Variants in ACTR3C observed in about 807,000 individuals in gnomAD.
ACTR3C encodes the protein actin related protein 3C.
Under a neutral mutation model 26.3 loss-of-function variants are expected in ACTR3C, and 18 were observed. That is an observed-to-expected ratio of 0.68 (90% CI 0.47 to 1.01). ACTR3C has a LOEUF of 1.01. Ranked by LOEUF, ACTR3C falls within the 50% of genes least tolerant of loss-of-function variation. ACTR3C has a pLI of 0.00. For synonymous variants in ACTR3C, 55 were observed against 94.5 expected (o/e 0.58, Z 2.42); for missense variants, 184 against 250.7 (o/e 0.73, Z 1.80).
At chr7:149,956,920 G>T in the ACTR3C span, among the ~76,000 whole-genome samples, 1 of 152,164 alleles carries the variant, frequency 6.6e-6, no homozygotes, top group East Asian at 1.9e-4. Context: ...GGGGCACTTT[G>T]TCACTGCTTG....
chr7:149,881,975 AAC>A, the ACTR3C span: 1 of 152,602 alleles, frequency 6.6e-6, no homozygotes, highest in Non-Finnish European at 1.5e-5. Flanking sequence ...GGGGGTGAGA[AAC>A]ACAGTGACCT....
At chr7:149,945,494 A>G in the ACTR3C span, among the ~76,000 whole-genome samples, 2 of 152,216 alleles carry the variant, frequency 1.3e-5, no homozygotes, top group Non-Finnish European at 2.9e-5. Flanking sequence ...TTACAAGCGC[A>G]GGAATGCAGT....
chr7:150,082,067 G>A, the ACTR3C span, among the ~76,000 whole-genome samples: 1 of 152,166 alleles, frequency 6.6e-6, no homozygotes, highest in Non-Finnish European at 1.5e-5. Flanking sequence ...GCTCTCCTAT[G>A]TAATGTCATG....
At chr7:150,109,002 GA>G in the ACTR3C span, among the ~76,000 whole-genome samples, 3,808 of 152,042 alleles carry the variant, frequency 0.025, 199 homozygotes, top group African/African-American at 0.088. Context: ...AATTACTCAG[GA>G]TGGCTGCGTG....
chr7:150,225,401 A>G, the ACTR3C span, among the ~76,000 whole-genome samples: 2 of 152,262 alleles, frequency 1.3e-5, no homozygotes, highest in Non-Finnish European at 2.9e-5. Context: ...CACATGAATC[A>G]TTCCAGCCCT....
the ACTR3C span, among the ~76,000 whole-genome samples, chr7:150,169,388 G>GAAAAA: frequency 3.9e-4 from 47 of 120,136 alleles, 1 homozygote; most frequent in African/African-American, 1.1e-3. Flanking sequence ...ATTTCAAAAG[G>GAAAAA]AAAAAAAAAA....
the ACTR3C span, among the ~76,000 whole-genome samples, chr7:149,921,244 G>A: frequency 6.6e-6 from 1 of 152,064 alleles, no homozygotes; most frequent in Non-Finnish European, 1.5e-5. Context: ...AGGAACACCA[G>A]CTCTGACTAC....
At chr7:149,999,653 C>T in the ACTR3C span, among the ~76,000 whole-genome samples, 4 of 151,692 alleles carry the variant, frequency 2.6e-5, no homozygotes, top group Admixed American at 1.3e-4. Context: ...GAGTGACTCA[C>T]ATTGCAGGAA....
the ACTR3C span, among the ~76,000 whole-genome samples, chr7:150,079,362 A>C: frequency 8.3e-4 from 127 of 152,230 alleles, no homozygotes; most frequent in African/African-American, 3.0e-3. Flanking sequence ...CGTCCACTAA[A>C]TGGAGAAAGT....
the ACTR3C span, among the ~76,000 whole-genome samples, chr7:150,113,504 T>C: frequency 3.3e-5 from 5 of 152,198 alleles, no homozygotes; most frequent in Admixed American, 1.3e-4. Context: ...TAAATTGCAC[T>C]GAAGCCCCAG....
the ACTR3C span, among the ~76,000 whole-genome samples, chr7:150,030,664 A>C: frequency 1.3e-5 from 2 of 152,162 alleles, no homozygotes; most frequent in Non-Finnish European, 2.9e-5. Flanking sequence ...CTTCTACATG[A>C]GACTCTCACT....
At chr7:150,234,990 T>C in the ACTR3C span, among the ~76,000 whole-genome samples, 1 of 152,152 alleles carries the variant, frequency 6.6e-6, no homozygotes, top group East Asian at 1.9e-4. Flanking sequence ...GTCTATCAGG[T>C]ATATCTTCTG....
chr7:149,909,272 A>C, the ACTR3C span, among the ~76,000 whole-genome samples: 1 of 149,222 alleles, frequency 6.7e-6, no homozygotes, highest in Non-Finnish European at 1.5e-5. Flanking sequence ...CACCAAAAAA[A>C]AAAAAAAGAA....
chr7:150,313,089 C>T (rs1796470705), intron 1 of ACTR3C, among the ~76,000 whole-genome samples: 1 of 152,190 alleles, frequency 6.6e-6, no homozygotes, highest in Non-Finnish European at 1.5e-5. Flanking sequence ...CCCGTAACCC[C>T]CTCCTCTGCT....
chr7:149,942,754 C>A, the ACTR3C span, among the ~76,000 whole-genome samples: 997 of 149,238 alleles, frequency 6.7e-3, 9 homozygotes, highest in African/African-American at 0.024. Flanking sequence ...TCCCCTAGAC[C>A]TTTTCTTCTT....
At chr7:150,016,105 C>T in the ACTR3C span, among the ~76,000 whole-genome samples, 6 of 152,162 alleles carry the variant, frequency 3.9e-5, no homozygotes, top group East Asian at 1.9e-4. Context: ...CCACAGTGGG[C>T]CTCACTACAG....
chr7:150,142,452 C>T, the ACTR3C span, among the ~76,000 whole-genome samples: 1 of 152,232 alleles, frequency 6.6e-6, no homozygotes, highest in African/African-American at 2.4e-5. Context: ...GCCTGCCTCA[C>T]TAACCTCTTA....
At chr7:150,035,301 C>G in the ACTR3C span, among the ~76,000 whole-genome samples, 321 of 44,120 alleles carry the variant, frequency 7.3e-3, 16 homozygotes, top group East Asian at 0.014. Context: ...CCTCCCCCCC[C>G]TTGCGATGGG....
chr7:149,901,957 C>A, the ACTR3C span, among the ~76,000 whole-genome samples: 2 of 143,982 alleles, frequency 1.4e-5, no homozygotes, highest in Admixed American at 7.2e-5. Flanking sequence ...TTCTTTTTTC[C>A]AACAAGCTCT....
Sources: gnomAD v4.1 joint callset for allele counts (sites outside exome capture counted in the v4.1 genomes callset) on GRCh38, gnomAD v4.1.1 for gene constraint, MANE v1.5 for transcripts, NCBI Gene and HGNC (gene_info 2026-07-23, HGNC 2026-07-21) for gene names.